The following ZDHHC2 variants were observed in gnomAD, a reference collection of about 807,000 sequenced individuals.
ZDHHC2 encodes palmitoyltransferase ZDHHC2.
ZDHHC2 carries 51 observed loss-of-function variants against 55.6 expected under a neutral mutation model. That is an observed-to-expected ratio of 0.92 (90% CI 0.73 to 1.16). ZDHHC2 has a LOEUF of 1.16. ZDHHC2 is among the 50% of genes most tolerant of loss of function. The pLI is 0.00. For synonymous variants in ZDHHC2, 199 were observed against 152.9 expected, an observed-to-expected ratio of 1.30 and a Z score of -2.22; for missense variants, 491 against 442.4, an observed-to-expected ratio of 1.11 and a Z score of -0.99.
chr8:17,182,232 T>A (rs556521899), intron 1 of ZDHHC2, among the ~76,000 whole-genome samples: 1 of 152,208 alleles, frequency 6.6e-6, no homozygotes, highest in South Asian at 2.1e-4. Context: ...GCAATATATA[T>A]ATAACAGATA....
At chr8:17,162,601 C>A (rs559784203) in intron 1 of ZDHHC2, among the ~76,000 whole-genome samples, 46 of 152,122 alleles carry the variant, frequency 3.0e-4, no homozygotes, top group African/African-American at 9.9e-4. Flanking sequence ...ATTTACTTGC[C>A]AGGCATTTCC....
intron 3 of ZDHHC2, among the ~76,000 whole-genome samples, chr8:17,188,232 A>G (rs1451766861): frequency 6.6e-6 from 1 of 152,140 alleles, no homozygotes; most frequent in Non-Finnish European, 1.5e-5. Flanking sequence ...TTTCCTTCCC[A>G]GAACCCCACA....
At chr8:17,157,035 C>T (rs1021643161) in intron 1 of ZDHHC2, among the ~76,000 whole-genome samples, 182 bp downstream of exon 1, 1 of 152,082 alleles carries the variant, frequency 6.6e-6, no homozygotes, top group African/African-American at 2.4e-5. Context: ...CGCGCACGCC[C>T]CTCGCCCTCC....
intron 1 of ZDHHC2, among the ~76,000 whole-genome samples, chr8:17,160,052 G>T (rs867527374): frequency 6.6e-6 from 1 of 152,182 alleles, no homozygotes; most frequent in African/African-American, 2.4e-5. Flanking sequence ...GAGGTCTGCA[G>T]CCTCAGGCAT....
chr8:17,156,911 C>T (rs1292194763), intron 1 of ZDHHC2, 58 bp downstream of exon 1: 10 of 1,426,732 alleles, frequency 7.0e-6, no homozygotes, highest in South Asian at 6.8e-5. Context: ...CCGACTGTCC[C>T]GGGACGCTCA....
At chr8:17,179,166 A>G (rs1327089891) in intron 1 of ZDHHC2, among the ~76,000 whole-genome samples, 1 of 152,076 alleles carries the variant, frequency 6.6e-6, no homozygotes, top group East Asian at 1.9e-4. Context: ...TGCCCGGGCC[A>G]ATCTCAAACT....
At chr8:17,164,276 T>C (rs936461695) in intron 1 of ZDHHC2, among the ~76,000 whole-genome samples, 2 of 152,192 alleles carry the variant, frequency 1.3e-5, no homozygotes, top group African/African-American at 4.8e-5. Flanking sequence ...TGAGAGATAC[T>C]CACAAGCAAA....
rs1438545260 is a variant in ZDHHC2, at chr8:17,221,143, AT to A, written c.*923del. The A allele has an allele frequency of 3.9e-5, 6 of 152,546 alleles. No individual in the cohort carries two copies. The highest frequency in any genetic ancestry group is 1.4e-4 in the African/African-American group (6 of 41,442). The allele number at this position is 152,546 out of a possible 1,614,324, so 9.4% of individuals were successfully genotyped here. ...ATAGATTTACCCTCCAGTGATATCT[AT>A]ATTATTTCTTTCTCGTCTCATCAAA... On this transcript the variant is annotated 3_prime_UTR_variant, in exon 13 of 13. Transcript: ENST00000262096.
chr8:17,171,774 G>A (rs553918864), intron 1 of ZDHHC2, among the ~76,000 whole-genome samples: 17 of 151,324 alleles, frequency 1.1e-4, no homozygotes, highest in Non-Finnish European at 1.9e-4. Flanking sequence ...AGTCACAGAA[G>A]GACAGATACT....
intron 6 of ZDHHC2, among the ~76,000 whole-genome samples, chr8:17,201,858 T>C (rs1806796141): frequency 6.6e-6 from 1 of 152,042 alleles, no homozygotes; most frequent in Non-Finnish European, 1.5e-5. Flanking sequence ...CTGTCAACTT[T>C]GAATATTTGA....
At chr8:17,188,190 C>G (rs985014045) in intron 3 of ZDHHC2, among the ~76,000 whole-genome samples, 6 of 152,186 alleles carry the variant, frequency 3.9e-5, no homozygotes, top group Admixed American at 2.6e-4. Flanking sequence ...GGAAAACCAT[C>G]TTAAGGTTTT....
At chr8:17,168,580 A>G (rs1386973036) in intron 1 of ZDHHC2, among the ~76,000 whole-genome samples, 1 of 152,156 alleles carries the variant, frequency 6.6e-6, no homozygotes, top group Non-Finnish European at 1.5e-5. Flanking sequence ...TGCGATCATC[A>G]CTACTGTCCA....
intron 4 of ZDHHC2, among the ~76,000 whole-genome samples, chr8:17,196,002 A>G (rs916520333): frequency 6.6e-6 from 1 of 152,218 alleles, no homozygotes; most frequent in Non-Finnish European, 1.5e-5. Flanking sequence ...TATAAAATGA[A>G]TACTTTTACA....
chr8:17,214,601 A>G (rs534150433), intron 10 of ZDHHC2, among the ~76,000 whole-genome samples: 5 of 152,310 alleles, frequency 3.3e-5, no homozygotes, highest in African/African-American at 4.8e-5. Context: ...GTAACTTTCT[A>G]TAAATAGAAT....
At chr8:17,190,499 TC>T (rs1171471998) in intron 3 of ZDHHC2, among the ~76,000 whole-genome samples, 1 of 152,130 alleles carries the variant, frequency 6.6e-6, no homozygotes, top group African/African-American at 2.4e-5. Context: ...AAAATGAGGA[TC>T]CTGAACTGAA....
intron 5 of ZDHHC2, 113 bp from the exon 6 acceptor site, chr8:17,198,268 G>T: frequency 1.1e-6 from 1 of 904,480 alleles, no homozygotes. Context: ...AAATAATTTT[G>T]CAATATTTTA....
At chr8:17,171,754 A>G (rs553618689) in intron 1 of ZDHHC2, among the ~76,000 whole-genome samples, 52 of 151,752 alleles carry the variant, frequency 3.4e-4, no homozygotes, top group African/African-American at 1.2e-3. Flanking sequence ...GGGCTACATG[A>G]GAAAAAGCCA....
chr8:17,216,093 C>T (rs936131327), intron 11 of ZDHHC2, among the ~76,000 whole-genome samples: 4 of 152,148 alleles, frequency 2.6e-5, no homozygotes, highest in Admixed American at 2.0e-4. Flanking sequence ...GTGTTGTCCA[C>T]ATAAAGGAGT....
At chr8:17,198,497 C>G in intron 6 of ZDHHC2, 84 bp downstream of exon 6, 1 of 1,278,054 alleles carries the variant, frequency 7.8e-7, no homozygotes, top group African/African-American at 1.5e-5. Flanking sequence ...AATCTTTTCA[C>G]ACATGAAATA....
Sources: allele counts gnomAD v4.1 joint callset (sites outside exome capture counted in the v4.1 genomes callset), GRCh38; gene constraint gnomAD v4.1.1; transcripts MANE v1.5; gene names NCBI Gene and HGNC (gene_info 2026-07-23, HGNC 2026-07-21).